GALNT6: variants seen among roughly 807,000 people sequenced by gnomAD.
GALNT6 encodes the protein GalNAc transferase 6.
In GALNT6, 51 loss-of-function variants were observed where a neutral mutation model predicts 65.9. The observed-to-expected ratio is 0.77, with a 90% CI of 0.62 to 0.98. The LOEUF is 0.98. Among genes scored for constraint, GALNT6 ranks in the 50% least tolerant of loss-of-function variants. The pLI, the probability that GALNT6 is intolerant of heterozygous loss-of-function variation, is 0.00. For missense variants in GALNT6, 708 were observed against 803.3 expected, an observed-to-expected ratio of 0.88 and a Z score of 1.43; for synonymous variants, 323 against 315.1, an observed-to-expected ratio of 1.02 and a Z score of -0.26.
At position 51,364,161 on chromosome 12, in the gene GALNT6, G is replaced by A. The variant is rs776949526; in HGVS notation, c.1009C>T (p.His337Tyr). The change falls in exon 6 of 12, where the codon CAT (histidine) becomes TAT (tyrosine). Residue 337 changes from histidine (H) to tyrosine (Y), a missense_variant. By Grantham distance (83) the His-to-Tyr change is moderately conservative. Transcript: ENST00000356317. ...TCATCCTTGCGCCTCTGCTTCTCAT[G>A]TGGAGGAAGTGTTTCCCAGCCGAAG... ...LTFGWETLPP[H>Y]EKQRRKDETY... The A allele has an allele frequency of 1.2e-6, 2 of 1,614,044 alleles. No homozygotes were observed. The highest frequency in any genetic ancestry group is 2.7e-5 in the African/African-American group (2 of 74,936).
At position 51,354,195 on chromosome 12, in the gene GALNT6, G is replaced by C. The variant is rs1295085067; in HGVS notation, c.*184C>G. On this transcript the variant is annotated 3_prime_UTR_variant, in exon 12 of 12. Transcript: ENST00000356317. ...TATGTCCTAATGGTCTCTTCCATCGGTGTGAAGGAAAGAAAATGGGCCCAA... is the reference window on the plus strand; with the variant it reads ...TATGTCCTAATGGTCTCTTCCATCGCTGTGAAGGAAAGAAAATGGGCCCAA... 2 of 525,756 alleles carry C rather than the reference G, an allele frequency of 3.8e-6. No individual in the cohort carries two copies. Among genetic ancestry groups the C allele is most frequent in the Non-Finnish European group, 6.6e-6 (2 of 302,048 alleles). 32.6% of individuals were successfully genotyped at this position (525,756 alleles called of 1,614,324 possible).
intron 2 of GALNT6, among the ~76,000 whole-genome samples, chr12:51,383,864 A>G (rs1176945625): frequency 2.0e-5 from 3 of 152,152 alleles, no homozygotes; most frequent in South Asian, 2.1e-4. Context: ...CTCCCTGTGT[A>G]GGAGATGATT....
intron 2 of GALNT6, among the ~76,000 whole-genome samples, chr12:51,386,683 C>T (rs546889933): frequency 4.6e-5 from 7 of 152,286 alleles, no homozygotes; most frequent in South Asian, 4.1e-4. Context: ...ACTCTTACCA[C>T]GGGCACAGGT....
At chr12:51,355,448 G>A (rs1007410431) in intron 11 of GALNT6, among the ~76,000 whole-genome samples, 5 of 152,008 alleles carry the variant, frequency 3.3e-5, no homozygotes, top group African/African-American at 9.7e-5. Context: ...TAGAGGGGCC[G>A]ATGTGGCCTC....
At chr12:51,363,463 A>AT (rs1271045784) in intron 6 of GALNT6, among the ~76,000 whole-genome samples, 1 of 152,194 alleles carries the variant, frequency 6.6e-6, no homozygotes, top group Non-Finnish European at 1.5e-5. Flanking sequence ...TTATTTTTAC[A>AT]TTTTTTAATG....
At chr12:51,369,706 C>T (rs377252608) in intron 4 of GALNT6, among the ~76,000 whole-genome samples, 1 of 152,092 alleles carries the variant, frequency 6.6e-6, no homozygotes, top group Non-Finnish European at 1.5e-5. Context: ...TGCAAATCTG[C>T]CCCCCAGTCT....
At chr12:51,381,407 C>T (rs943922043) in intron 2 of GALNT6, among the ~76,000 whole-genome samples, 3 of 152,234 alleles carry the variant, frequency 2.0e-5, no homozygotes, top group Non-Finnish European at 4.4e-5. Flanking sequence ...TGAATGCTTG[C>T]AGAACTTTCT....
intron 6 of GALNT6, among the ~76,000 whole-genome samples, chr12:51,363,681 C>T (rs1333111317): frequency 1.3e-5 from 2 of 152,184 alleles, no homozygotes; most frequent in African/African-American, 2.4e-5. Flanking sequence ...ACATACCACT[C>T]CCTCTTATTA....
At chr12:51,391,042 G>A (rs1418634533) in intron 1 of GALNT6, 105 bp from the exon 2 acceptor site, 1 of 152,458 alleles carries the variant, frequency 6.6e-6, no homozygotes, top group Admixed American at 6.5e-5. Context: ...AAAGCCCCCA[G>A]GCTCTGGAGG....
chr12:51,379,761 G>A lies in GALNT6; in HGVS notation c.21C>T (p.Arg7=), dbSNP rs202077325. ...CCATGGCCAGGCGCAGGGGCATGTG[G>A]CGTCTGCGGAGGAGCCTCATCCTCC... is the stretch of plus-strand genomic sequence containing the variant. MRLLRR[R]HMPLRLAMVG... The change falls in exon 3 of 12, where the codon CGC becomes CGT. Residue 7 remains arginine (R), a synonymous_variant. Transcript: ENST00000356317. The A allele has an allele frequency of 1.4e-5, 23 of 1,608,824 alleles. No homozygotes were observed. The highest frequency in any genetic ancestry group is 2.0e-5 in the Non-Finnish European group (23 of 1,179,326).
Position 51,359,420 on chromosome 12 carries a change from C to T in GALNT6, c.1168-88G>A, listed in dbSNP as rs953669877. On this transcript the variant is annotated intron_variant, in intron 7 of 11. Coordinates refer to ENST00000356317, the MANE Select transcript of GALNT6 (RefSeq NM_007210.4). ...CAGCTCTATTCTATTCCCAGAGCACCAGACCCCAGGTCCAAGGACTTGGGC... is the reference window on the plus strand; with the variant it reads ...CAGCTCTATTCTATTCCCAGAGCACTAGACCCCAGGTCCAAGGACTTGGGC... The T allele has an allele frequency of 4.5e-6, 4 of 897,670 alleles. No individual in the cohort carries two copies. The African/African-American group carries it at 6.7e-5, about 15-fold the overall frequency. 55.6% of individuals were successfully genotyped at this position (897,670 alleles called of 1,614,324 possible).
chr12:51,357,840 T>C (rs1013170441), intron 9 of GALNT6, among the ~76,000 whole-genome samples: 3 of 152,218 alleles, frequency 2.0e-5, no homozygotes, highest in Admixed American at 6.5e-5. Flanking sequence ...CCCTGAGTCC[T>C]TCTGAATCAG....
chr12:51,390,156 C>CTT lies in GALNT6; in HGVS notation c.-104+692_-104+693dup, dbSNP rs796243349. 1.2e-4 allele frequency among the ~76,000 whole-genome samples: 14 copies of CTT among 116,304 alleles called. No individual in the cohort carries two copies. In the East Asian group the frequency reaches 1.4e-3, roughly 11 times the overall value. The allele number at this position is 116,304 out of a possible 152,430, so 76.3% of individuals were successfully genotyped here. ...AGCATATTTCTTTCTTTCTTTCTTT[C>CTT]TTTTTTTTTTTTTTTTTTTTTTTGA... On this transcript the variant is annotated intron_variant, in intron 2 of 11. Coordinates refer to ENST00000356317, the MANE Select transcript of GALNT6 (RefSeq NM_007210.4).
rs149403348 is a variant in GALNT6 at position 51,371,920 on chromosome 12, T to C, written c.664+5275A>G. On this transcript the variant is annotated intron_variant, in intron 4 of 11. Transcript: ENST00000356317. ...ATCAAACAGTCAAACGTGTGGGAAA[T>C]TTTATCCCACTGTGGACGGCAGAGA... is the stretch of plus-strand genomic sequence containing the variant. 5.9e-5 allele frequency among the ~76,000 whole-genome samples: 9 copies of C among 152,242 alleles called. No homozygotes were observed. In the East Asian group the frequency reaches 1.7e-3, roughly 29 times the overall value.
At position 51,381,534 on chromosome 12, in the gene GALNT6, G is replaced by GT. The variant is rs146862567; in HGVS notation, c.-103-1651dup. ...GTAGTAGCACCTACCTCCTAGGGTT[G>GT]TTACAAGGATTATGCTCCTTCCCCA... On this transcript the variant is annotated intron_variant, in intron 2 of 11. Transcript: ENST00000356317. Among the ~76,000 whole-genome samples, 1,074 of 152,328 alleles carry GT rather than the reference G, an allele frequency of 7.1e-3. 9 individuals carry two copies. Among genetic ancestry groups the GT allele is most frequent in the African/African-American group, 0.024 (1,007 of 41,572 alleles).
chr12:51,356,087 A>G (rs553244636), intron 10 of GALNT6, 129 bp from the exon 11 acceptor site: 170 of 739,646 alleles, frequency 2.3e-4, no homozygotes, highest in Non-Finnish European at 3.1e-4. Flanking sequence ...CCAAGACTTT[A>G]CTCATTTATG....
At chr12:51,390,136 ATTTCTTTC>A (rs34438835) in intron 2 of GALNT6, among the ~76,000 whole-genome samples, 7 of 74,412 alleles carry the variant, frequency 9.4e-5, no homozygotes, top group Non-Finnish European at 1.8e-4. Flanking sequence ...ATCAAAGCAT[ATTTCTTTC>A]TTTCTTTCTT....
chr12:51,353,017 A>T lies in GALNT6; in HGVS notation c.*1362T>A, dbSNP rs1485234584. On this transcript the variant is annotated 3_prime_UTR_variant, in exon 12 of 12. Transcript: ENST00000356317. Reference sequence around the variant, plus strand: ...TGTGGAGGCCAGCCAGCTAGAAATGATTAGAATGGAGGAAGAGGGAATGAG... The same window carrying T: ...TGTGGAGGCCAGCCAGCTAGAAATGTTTAGAATGGAGGAAGAGGGAATGAG... The T allele has an allele frequency of 1.3e-5, 2 of 152,212 alleles. No individual in the cohort carries two copies. The highest frequency in any genetic ancestry group is 2.9e-5 in the Non-Finnish European group (2 of 68,144). The allele number at this position is 152,212 out of a possible 1,614,324, so 9.4% of individuals were successfully genotyped here. A position where few individuals can be genotyped will look rare whatever the true frequency, so the allele number is the denominator to read the frequency against.
intron 4 of GALNT6, among the ~76,000 whole-genome samples, chr12:51,367,025 A>T (rs913556299): frequency 6.6e-6 from 1 of 152,162 alleles, no homozygotes; most frequent in Non-Finnish European, 1.5e-5. Flanking sequence ...GTACTTTGGG[A>T]GGCGGAGGCA....
Sources: allele counts gnomAD v4.1 joint callset (sites outside exome capture counted in the v4.1 genomes callset), GRCh38; gene constraint gnomAD v4.1.1; transcripts MANE v1.5; gene names NCBI Gene and HGNC (gene_info 2026-07-23, HGNC 2026-07-21).